LRRC20: variants seen among roughly 807,000 people sequenced by gnomAD.
The protein encoded by LRRC20 is leucine-rich repeat-containing protein 20.
In LRRC20, 11 loss-of-function variants were observed where a neutral mutation model predicts 14.4. The observed-to-expected ratio is 0.77, with a 90% CI of 0.48 to 1.27. The LOEUF is 1.27. Among genes scored for constraint, LRRC20 ranks in the 50% most tolerant of loss-of-function variants. The pLI is 0.00. For missense variants in LRRC20, 219 were observed against 251.2 expected, an observed-to-expected ratio of 0.87 and a Z score of 0.87; for synonymous variants, 121 against 107.3, an observed-to-expected ratio of 1.13 and a Z score of -0.79.
intron 3 of LRRC20, among the ~76,000 whole-genome samples, chr10:70,336,091 A>G (rs1842718683): frequency 6.6e-6 from 1 of 152,168 alleles, no homozygotes; most frequent in Non-Finnish European, 1.5e-5. Flanking sequence ...TATCATTTCC[A>G]AATGACACGG....
intron 4 of LRRC20, among the ~76,000 whole-genome samples, chr10:70,313,905 T>C (rs1841758988): frequency 6.6e-6 from 1 of 152,184 alleles, no homozygotes; most frequent in Non-Finnish European, 1.5e-5. Flanking sequence ...AGTCCATTTT[T>C]AGGCTGCTGA....
chr10:70,370,700 A>G (rs4747017), intron 2 of LRRC20, among the ~76,000 whole-genome samples: 114,765 of 151,940 alleles, frequency 0.76, 43,471 homozygotes, highest in Non-Finnish European at 0.77. Flanking sequence ...CCGAGATCAC[A>G]CCACTGCACT....
At position 70,323,992 on chromosome 10, in the gene LRRC20, TG is replaced by T; in HGVS notation, c.270del (p.Ser91AlafsTer43). ...HLEGNFLHRL[P>X]SEVSALQHLK... ...AGGTGCTGCAGGGCACTGACCTCGCTGGGGAGGCGGTGTAGGAAGTTCCCCT... is the reference window on the plus strand; with the variant it reads ...AGGTGCTGCAGGGCACTGACCTCGCTGGGAGGCGGTGTAGGAAGTTCCCCT... On this transcript the variant is annotated frameshift_variant, in exon 4 of 5. Coordinates refer to ENST00000446961, the MANE Select transcript of LRRC20 (RefSeq NM_001278212.2). LOFTEE classifies it high-confidence loss of function. The T allele has an allele frequency of 6.2e-7, 1 of 1,613,646 alleles. No individual in the cohort carries two copies. Among genetic ancestry groups the T allele is most frequent in the Non-Finnish European group, 8.5e-7 (1 of 1,179,594 alleles).
intron 3 of LRRC20, among the ~76,000 whole-genome samples, chr10:70,328,935 A>G (rs1842430266): frequency 6.6e-6 from 1 of 152,222 alleles, no homozygotes; most frequent in Admixed American, 6.5e-5. Flanking sequence ...GATAGAAGAC[A>G]CATGACACTT....
At chr10:70,313,138 C>T (rs3812700) in intron 4 of LRRC20, among the ~76,000 whole-genome samples, 61,346 of 152,000 alleles carry the variant, frequency 0.4, 12,604 homozygotes, top group African/African-American at 0.44. Flanking sequence ...AGTCTTCTTA[C>T]TGGCCACTCT....
chr10:70,366,729 A>T (rs1844014410), intron 2 of LRRC20, among the ~76,000 whole-genome samples: 1 of 152,210 alleles, frequency 6.6e-6, no homozygotes, highest in East Asian at 1.9e-4. Flanking sequence ...TTTTGTACCC[A>T]CAAATTCAAC....
intron 3 of LRRC20, among the ~76,000 whole-genome samples, chr10:70,337,025 TGAA>T (rs1166339312): frequency 1.3e-5 from 2 of 152,134 alleles, no homozygotes; most frequent in Non-Finnish European, 2.9e-5. Context: ...ATAAAATGGA[TGAA>T]GGACATCAAG....
chr10:70,319,506 A>G (rs1841998889), intron 4 of LRRC20, among the ~76,000 whole-genome samples: 1 of 152,122 alleles, frequency 6.6e-6, no homozygotes, highest in South Asian at 2.1e-4. Flanking sequence ...TCCCACAAGG[A>G]CACGAGGACA....
chr10:70,371,430 G>A lies in LRRC20; in HGVS notation c.82+5022C>T, dbSNP rs570070452. On this transcript the variant is annotated intron_variant, in intron 2 of 4. Transcript: ENST00000446961. ...CCAGGGATGTGTGTAGTAGAGTCTC[G>A]GGCCTCAGGCCTTTTCAAATCCTGC... 1.2e-4 allele frequency among the ~76,000 whole-genome samples: 19 copies of A among 152,028 alleles called. 1 individual carries two copies. In the South Asian group the frequency reaches 3.1e-3, roughly 25 times the overall value.
intron 4 of LRRC20, among the ~76,000 whole-genome samples, chr10:70,312,160 G>A (rs764129303): frequency 1.3e-5 from 2 of 152,284 alleles, no homozygotes; most frequent in Admixed American, 6.5e-5. Context: ...TCTGATTCCA[G>A]CATTGCTAGA....
intron 4 of LRRC20, among the ~76,000 whole-genome samples, chr10:70,310,093 T>G (rs1291611299): frequency 6.6e-6 from 1 of 152,156 alleles, no homozygotes; most frequent in Non-Finnish European, 1.5e-5. Context: ...TTTGAGCAGC[T>G]TAGAGGAAGG....
chr10:70,304,877 A>G (rs1841359948), intron 4 of LRRC20, among the ~76,000 whole-genome samples: 1 of 152,172 alleles, frequency 6.6e-6, no homozygotes, highest in Admixed American at 6.5e-5. Context: ...ATAATGCAGG[A>G]TTATTCAGCC....
intron 4 of LRRC20, among the ~76,000 whole-genome samples, chr10:70,319,323 A>C (rs763207135): frequency 9.2e-5 from 14 of 152,188 alleles, no homozygotes; most frequent in Non-Finnish European, 1.8e-4. Context: ...CCAGGATTGA[A>C]TTGCTAAGCA....
intron 4 of LRRC20, among the ~76,000 whole-genome samples, chr10:70,323,461 G>T (rs796091674): frequency 6.6e-6 from 1 of 152,122 alleles, no homozygotes; most frequent in Admixed American, 6.5e-5. Flanking sequence ...CTGTCTAGTG[G>T]GCCCTGCTCA....
chr10:70,375,284 T>A (rs1001097835), intron 2 of LRRC20, among the ~76,000 whole-genome samples: 1 of 152,146 alleles, frequency 6.6e-6, no homozygotes, highest in Non-Finnish European at 1.5e-5. Flanking sequence ...ACAAAGTGCC[T>A]GACACTGCGC....
At chr10:70,311,104 A>G (rs2136894724) in intron 4 of LRRC20, among the ~76,000 whole-genome samples, 1 of 152,176 alleles carries the variant, frequency 6.6e-6, no homozygotes, top group East Asian at 1.9e-4. Flanking sequence ...TATGCTGTAA[A>G]TATCTTTTCA....
At chr10:70,361,019 G>A (rs796391011) in intron 2 of LRRC20, among the ~76,000 whole-genome samples, 26 of 147,948 alleles carry the variant, frequency 1.8e-4, no homozygotes, top group African/African-American at 6.5e-4. Flanking sequence ...CACTGCACCC[G>A]ACTGGAAGAC....
At chr10:70,381,823 A>T (rs546819237) in intron 1 of LRRC20, 17 of 152,426 alleles carry the variant, frequency 1.1e-4, no homozygotes, top group African/African-American at 4.1e-4. Flanking sequence ...CGTGAGCGGG[A>T]CCTGCTGGCG....
At chr10:70,334,922 G>C (rs566080618) in intron 3 of LRRC20, among the ~76,000 whole-genome samples, 6 of 152,256 alleles carry the variant, frequency 3.9e-5, no homozygotes, top group Admixed American at 2.6e-4. Flanking sequence ...CAGGCACCAG[G>C]AGCTGCTGCC....
Sources: gnomAD v4.1 joint callset for allele counts (sites outside exome capture counted in the v4.1 genomes callset) on GRCh38, gnomAD v4.1.1 for gene constraint, MANE v1.5 for transcripts, NCBI Gene and HGNC (gene_info 2026-07-23, HGNC 2026-07-21) for gene names.